Variants in DLG2 observed in about 807,000 individuals in gnomAD.
DLG2 encodes disks large homolog 2.
Under a neutral mutation model 132.5 loss-of-function variants are expected in DLG2, and 45 were observed. The ratio of observed to expected loss-of-function variants is 0.34; its 90% confidence interval spans 0.27 to 0.44. The LOEUF (loss-of-function observed/expected upper bound fraction) is 0.44. Ranked by LOEUF, DLG2 falls within the 20% of genes least tolerant of loss-of-function variation. The probability of loss-of-function intolerance (pLI) is 1.00; values close to 1 mark genes in which losing one functional copy is unlikely to be tolerated. For synonymous variants in DLG2, 424 were observed against 419.6 expected (o/e 1.01, Z -0.13); for missense variants, 1,045 against 1,196.9 (o/e 0.87, Z 1.87).
intron 6 of DLG2, among the ~76,000 whole-genome samples, chr11:84,884,035 T>A (rs1758638491): frequency 1.3e-5 from 2 of 152,102 alleles, no homozygotes; most frequent in South Asian, 4.1e-4. Flanking sequence ...TTCTTAATAT[T>A]ATGTTGATAA....
intron 16 of DLG2, among the ~76,000 whole-genome samples, chr11:83,871,385 C>A (rs969491448): frequency 7.9e-5 from 12 of 152,176 alleles, no homozygotes; most frequent in Admixed American, 6.5e-4. Context: ...TCTGAAATAT[C>A]TCCACTTATT....
At chr11:84,093,070 A>C (rs1176644866) in intron 10 of DLG2, among the ~76,000 whole-genome samples, 1 of 151,834 alleles carries the variant, frequency 6.6e-6, no homozygotes, top group Non-Finnish European at 1.5e-5. Flanking sequence ...AAAGAAAGAA[A>C]ATTACCACAC....
chr11:85,157,574 C>T (rs567691100), intron 4 of DLG2, among the ~76,000 whole-genome samples: 7 of 152,252 alleles, frequency 4.6e-5, no homozygotes, highest in African/African-American at 1.4e-4. Flanking sequence ...TGGTTGGTTG[C>T]TCCTGAGTTC....
At chr11:83,874,235 CAAAG>C (rs1462571101) in intron 16 of DLG2, among the ~76,000 whole-genome samples, 181 bp downstream of exon 16, 2 of 28,168 alleles carry the variant, frequency 7.1e-5, no homozygotes, top group Non-Finnish European at 1.1e-4. Flanking sequence ...GAAAGAAAGA[CAAAG>C]AAAGAAGGGA....
chr11:84,157,451 G>T (rs547668551), intron 9 of DLG2, among the ~76,000 whole-genome samples: 17 of 152,146 alleles, frequency 1.1e-4, no homozygotes, highest in Non-Finnish European at 2.4e-4. Flanking sequence ...ATTTTTTAAA[G>T]ATGGGGTCTC....
intron 6 of DLG2, among the ~76,000 whole-genome samples, chr11:84,862,891 G>C (rs2083975846): frequency 6.6e-6 from 1 of 151,424 alleles, no homozygotes; most frequent in Non-Finnish European, 1.5e-5. Context: ...GGGTTGACAG[G>C]TGCAGCAAAC....
intron 8 of DLG2, among the ~76,000 whole-genome samples, chr11:84,203,946 G>A (rs952478518): frequency 1.3e-5 from 2 of 152,014 alleles, no homozygotes; most frequent in Non-Finnish European, 2.9e-5. Context: ...ATAAAAGTCG[G>A]GGAAAAATAT....
At chr11:84,810,849 T>G (rs2076476272) in intron 6 of DLG2, among the ~76,000 whole-genome samples, 1 of 152,196 alleles carries the variant, frequency 6.6e-6, no homozygotes, top group South Asian at 2.1e-4. Flanking sequence ...TATGATGATT[T>G]CATTTGTATA....
chr11:85,306,701 T>C (rs1352446642), intron 3 of DLG2, among the ~76,000 whole-genome samples: 1 of 152,126 alleles, frequency 6.6e-6, no homozygotes, highest in African/African-American at 2.4e-5. Context: ...CTCCCCTAAG[T>C]AGCTGGGACT....
chr11:84,725,843 A>AT (rs149583459), intron 6 of DLG2, among the ~76,000 whole-genome samples: 42 of 148,746 alleles, frequency 2.8e-4, no homozygotes, highest in Non-Finnish European at 3.1e-4. Context: ...CACTTGTCTG[A>AT]TTTTTTTTTT....
chr11:83,850,979 A>T (rs2059643148), intron 16 of DLG2, among the ~76,000 whole-genome samples: 1 of 152,012 alleles, frequency 6.6e-6, no homozygotes, highest in African/African-American at 2.4e-5. Flanking sequence ...GATCGAGATC[A>T]TCCTGGCTAA....
At chr11:84,172,037 A>T (rs1020303293) in intron 8 of DLG2, among the ~76,000 whole-genome samples, 1 of 152,200 alleles carries the variant, frequency 6.6e-6, no homozygotes, top group Non-Finnish European at 1.5e-5. Context: ...CCTGGATTCC[A>T]TAACAGTTCT....
At chr11:84,168,000 CATATT>C (rs2095712080) in intron 8 of DLG2, among the ~76,000 whole-genome samples, 1 of 152,160 alleles carries the variant, frequency 6.6e-6, no homozygotes, top group Non-Finnish European at 1.5e-5. Flanking sequence ...CTCTGTGTCA[CATATT>C]ATAAAAGTGC....
chr11:84,859,461 T>C (rs562661591), intron 6 of DLG2, among the ~76,000 whole-genome samples: 3 of 146,702 alleles, frequency 2.0e-5, no homozygotes, highest in South Asian at 2.1e-4. Flanking sequence ...TATATACATA[T>C]ATATATATCC....
chr11:84,469,716 TAACA>T (rs1343132185), intron 7 of DLG2, among the ~76,000 whole-genome samples: 1 of 151,596 alleles, frequency 6.6e-6, no homozygotes, highest in Non-Finnish European at 1.5e-5. Flanking sequence ...ACACAACAAA[TAACA>T]TTAATATTGA....
chr11:83,640,843 G>C (rs111578407), intron 18 of DLG2, among the ~76,000 whole-genome samples: 1 of 152,102 alleles, frequency 6.6e-6, no homozygotes, highest in Non-Finnish European at 1.5e-5. Context: ...AATTGGGGCA[G>C]GTTAAATCTT....
chr11:85,482,078 A>C (rs286498), intron 3 of DLG2, among the ~76,000 whole-genome samples: 140,750 of 152,068 alleles, frequency 0.93, 65,498 homozygotes, highest in Middle Eastern at 0.97. Flanking sequence ...ACCAACCCCA[A>C]GGCCAGGCCA....
chr11:83,825,029 GTTTTTC>G (rs2153986354), intron 17 of DLG2, among the ~76,000 whole-genome samples: 1 of 148,186 alleles, frequency 6.7e-6, no homozygotes, highest in East Asian at 2.0e-4. Context: ...AGATTTTATT[GTTTTTC>G]TTTTTGTTGT....
At chr11:85,197,937 C>T (rs148284913) in intron 4 of DLG2, among the ~76,000 whole-genome samples, 4 of 152,088 alleles carry the variant, frequency 2.6e-5, no homozygotes, top group Non-Finnish European at 4.4e-5. Flanking sequence ...AAAGTTGTTA[C>T]AAGGATTAAA....
Sources: gnomAD v4.1 joint callset for allele counts (sites outside exome capture counted in the v4.1 genomes callset) on GRCh38, gnomAD v4.1.1 for gene constraint, MANE v1.5 for transcripts, NCBI Gene and HGNC (gene_info 2026-07-23, HGNC 2026-07-21) for gene names.